ZNF215: variants seen among roughly 807,000 people sequenced by gnomAD.
ZNF215 encodes the protein zinc finger protein 215, also known as BWSCR2-associated zinc finger protein 2.
ZNF215 carries 24 observed loss-of-function variants against 27.2 expected under a neutral mutation model. That is an observed-to-expected ratio of 0.88 (90% CI 0.64 to 1.24). The LOEUF (loss-of-function observed/expected upper bound fraction) is 1.24. Ranked by LOEUF, ZNF215 falls within the 50% of genes most tolerant of loss-of-function variation. The probability of loss-of-function intolerance (pLI) is 0.00; values close to 1 mark genes in which losing one functional copy is unlikely to be tolerated. For synonymous variants in ZNF215, 210 were observed against 204.0 expected, an observed-to-expected ratio of 1.03 and a Z score of -0.25; for missense variants, 675 against 605.7, an observed-to-expected ratio of 1.11 and a Z score of -1.20.
chr11:6,950,944 G>A lies in ZNF215; in HGVS notation c.713-4746G>A, dbSNP rs1318911021. On this transcript the variant is annotated intron_variant, in intron 6 of 6. Coordinates refer to ENST00000278319, the MANE Select transcript of ZNF215 (RefSeq NM_013250.4). ...TTTATTGAGAGTTTTTAGCATGAAGGGTTGTTGAATTTTGTCCAAGGCCTT... is the reference window on the plus strand; with the variant it reads ...TTTATTGAGAGTTTTTAGCATGAAGAGTTGTTGAATTTTGTCCAAGGCCTT... 3.7e-3 allele frequency among the ~76,000 whole-genome samples: 557 copies of A among 151,888 alleles called. 6 individuals carry two copies. Among genetic ancestry groups the A allele is most frequent in the African/African-American group, 0.013 (531 of 41,390 alleles).
downstream of ZNF215, among the ~76,000 whole-genome samples, chr11:6,993,510 T>A (rs1851141836): frequency 1.3e-5 from 2 of 151,028 alleles, no homozygotes; most frequent in Admixed American, 1.3e-4. Flanking sequence ...GATGGAAATT[T>A]GGTGTTTTTA....
At chr11:6,940,274 A>G (rs1330208736) in intron 3 of ZNF215, among the ~76,000 whole-genome samples, 2 of 151,536 alleles carry the variant, frequency 1.3e-5, no homozygotes, top group African/African-American at 4.8e-5. Context: ...TATTTGCAGC[A>G]TTCACACGGT....
Position 6,957,023 on chromosome 11 carries a change from C to T in ZNF215, c.*492C>T. 1.0e-6 allele frequency: 1 copy of T among 986,880 alleles called. No individual in the cohort carries two copies. Among genetic ancestry groups the T allele is most frequent in the East Asian group, 1.1e-4 (1 of 8,828 alleles). 61.1% of individuals were successfully genotyped at this position (986,880 alleles called of 1,614,324 possible). A position where few individuals can be genotyped will look rare whatever the true frequency, so the allele number is the denominator to read the frequency against. On this transcript the variant is annotated 3_prime_UTR_variant, in exon 7 of 7. Transcript: ENST00000278319. ...GAAATCTCTGAATCAATGGCTAAGA[C>T]AACAGTAACAGCCATTTACTCCACT...
At chr11:6,938,052 A>G (rs987223008) in intron 3 of ZNF215, among the ~76,000 whole-genome samples, 15 of 152,048 alleles carry the variant, frequency 9.9e-5, no homozygotes, top group African/African-American at 3.6e-4. Context: ...CAAGGCAGCG[A>G]AAAACCTACA....
intron 5 of ZNF215, among the ~76,000 whole-genome samples, chr11:6,981,156 C>G (rs1343072984): frequency 6.6e-6 from 1 of 150,698 alleles, no homozygotes; most frequent in Non-Finnish European, 1.5e-5. Context: ...AATGGTATTT[C>G]TAGTTCTAGA....
At chr11:6,962,695 G>A (rs1242355096), downstream of ZNF215, among the ~76,000 whole-genome samples, 1 of 152,048 alleles carries the variant, frequency 6.6e-6, no homozygotes, top group Admixed American at 6.6e-5. Flanking sequence ...AACATCTGTT[G>A]GGATTTGTTA....
At chr11:6,929,033 G>A (rs1454393116) in intron 2 of ZNF215, among the ~76,000 whole-genome samples, 1 of 152,132 alleles carries the variant, frequency 6.6e-6, no homozygotes, top group Admixed American at 6.5e-5. Context: ...TTCATTACAG[G>A]AAGCACTTGT....
chr11:6,971,462 A>T (rs1850716527), intron 5 of ZNF215, among the ~76,000 whole-genome samples: 1 of 152,088 alleles, frequency 6.6e-6, no homozygotes, highest in Admixed American at 6.6e-5. Flanking sequence ...ACAGCAATAA[A>T]TTTTTCTGTA....
chr11:6,969,994 C>G (rs1349300220), intron 5 of ZNF215, among the ~76,000 whole-genome samples: 1 of 152,116 alleles, frequency 6.6e-6, no homozygotes, highest in African/African-American at 2.4e-5. Context: ...GTTGGCCAGG[C>G]TGTTCTCAAA....
At chr11:6,985,731 A>G (rs1056597347), downstream of ZNF215, among the ~76,000 whole-genome samples, 2 of 152,208 alleles carry the variant, frequency 1.3e-5, no homozygotes, top group African/African-American at 4.8e-5. Flanking sequence ...TAGCATTTCT[A>G]TATACCAATA....
At chr11:6,977,413 A>G (rs576245720) in intron 5 of ZNF215, among the ~76,000 whole-genome samples, 2 of 152,204 alleles carry the variant, frequency 1.3e-5, no homozygotes, top group Non-Finnish European at 2.9e-5. Flanking sequence ...ATAGATGTAT[A>G]TAAGGCTCTG....
chr11:6,929,076 C>T (rs775659383), intron 2 of ZNF215, among the ~76,000 whole-genome samples: 3 of 152,116 alleles, frequency 2.0e-5, no homozygotes, highest in Admixed American at 6.5e-5. Context: ...TTCTATCCCG[C>T]GAGACCCAGG....
chr11:6,968,663 C>A (rs1850670479), intron 5 of ZNF215, among the ~76,000 whole-genome samples: 2 of 151,822 alleles, frequency 1.3e-5, no homozygotes, highest in Non-Finnish European at 2.9e-5. Flanking sequence ...CCCAGGAGTT[C>A]AAAACCAGTC....
At chr11:6,969,651 T>C (rs759523318) in intron 5 of ZNF215, among the ~76,000 whole-genome samples, 130 of 152,304 alleles carry the variant, frequency 8.5e-4, no homozygotes, top group Non-Finnish European at 1.5e-3. Flanking sequence ...CACAGAATTA[T>C]CTCAAGATTT....
chr11:6,982,812 T>C (rs1850984824), intron 5 of ZNF215, among the ~76,000 whole-genome samples: 1 of 151,256 alleles, frequency 6.6e-6, no homozygotes, highest in African/African-American at 2.4e-5. Context: ...GCAGGAAAGA[T>C]CCAAAATTGA....
chr11:6,945,191 A>G (rs1849776559), intron 6 of ZNF215, among the ~76,000 whole-genome samples: 1 of 152,166 alleles, frequency 6.6e-6, no homozygotes, highest in Non-Finnish European at 1.5e-5. Flanking sequence ...TTAATTTCAT[A>G]GGCAAATTAC....
intron 2 of ZNF215, among the ~76,000 whole-genome samples, chr11:6,930,907 A>G (rs142911005): frequency 2.0e-4 from 30 of 152,352 alleles, no homozygotes; most frequent in African/African-American, 5.3e-4. Context: ...TATATTGCCT[A>G]TAGCAGAGTT....
intron 6 of ZNF215, among the ~76,000 whole-genome samples, chr11:6,951,081 G>A (rs1167121345): frequency 6.6e-6 from 1 of 152,166 alleles, no homozygotes; most frequent in Non-Finnish European, 1.5e-5. Flanking sequence ...CAGGGATGAA[G>A]CCCACTTGAT....
At chr11:6,944,133 G>A (rs968242315) in intron 6 of ZNF215, among the ~76,000 whole-genome samples, 152 of 152,212 alleles carry the variant, frequency 1.0e-3, no homozygotes, top group African/African-American at 3.4e-3. Flanking sequence ...AAAATTAGCC[G>A]GGTGTGGTGG....
Sources: allele counts gnomAD v4.1 joint callset (sites outside exome capture counted in the v4.1 genomes callset), GRCh38; gene constraint gnomAD v4.1.1; transcripts MANE v1.5; gene names NCBI Gene and HGNC (gene_info 2026-07-23, HGNC 2026-07-21).